The following CNTN3 variants were observed in gnomAD, a reference collection of about 807,000 sequenced individuals.
CNTN3 encodes contactin 3, also known as contactin-3.
A neutral mutation model predicts 119.1 loss-of-function variants in CNTN3; 60 were observed. That is an observed-to-expected ratio of 0.50 (90% CI 0.41 to 0.62). The LOEUF (loss-of-function observed/expected upper bound fraction) is 0.62. CNTN3 is among the 20% of genes least tolerant of loss of function. CNTN3 has a pLI of 0.00. For synonymous variants in CNTN3, 450 were observed against 438.7 expected (o/e 1.03, Z -0.32); for missense variants, 1,101 against 1,242.4 (o/e 0.89, Z 1.71).
rs377721936 is a variant in CNTN3 at position 74,455,135 on chromosome 3, C to T, written c.359-30195G>A. ...TTGGTTCCATTCTCCCCGTCACTTTCAGGTATACCAATCAGACGTAGATTT... is the reference window on the plus strand; with the variant it reads ...TTGGTTCCATTCTCCCCGTCACTTTTAGGTATACCAATCAGACGTAGATTT... On this transcript the variant is annotated intron_variant, in intron 4 of 22. Transcript: ENST00000263665. Among the ~76,000 whole-genome samples the T allele has an allele frequency of 1.7e-4, 26 of 152,278 alleles. No homozygotes were observed. In the East Asian group the frequency reaches 4.6e-3, roughly 27 times the overall value.
intron 4 of CNTN3, among the ~76,000 whole-genome samples, chr3:74,473,108 C>T (rs1484443830): frequency 6.6e-6 from 1 of 150,902 alleles, no homozygotes; most frequent in Non-Finnish European, 1.5e-5. Flanking sequence ...GAATAATGTG[C>T]TACCCTCTAC....
chr3:74,514,541 G>A (rs1310016938), intron 2 of CNTN3, among the ~76,000 whole-genome samples: 6 of 151,942 alleles, frequency 3.9e-5, no homozygotes, highest in South Asian at 2.1e-4. Context: ...GTTCATTAAC[G>A]TGACACTGCT....
At chr3:74,551,752 T>A (rs1399735076) in intron 1 of CNTN3, among the ~76,000 whole-genome samples, 1 of 139,360 alleles carries the variant, frequency 7.2e-6, no homozygotes, top group Non-Finnish European at 1.5e-5. Flanking sequence ...CTTCTTCTTC[T>A]TCTTTTTTTT....
At chr3:74,361,130 A>C (rs1296491590) in intron 11 of CNTN3, among the ~76,000 whole-genome samples, 2 of 152,040 alleles carry the variant, frequency 1.3e-5, no homozygotes, top group Non-Finnish European at 2.9e-5. Flanking sequence ...AATAATAAAT[A>C]ATAAATATAT....
chr3:74,595,385 T>C (rs1468675911), intron 1 of CNTN3, among the ~76,000 whole-genome samples: 11 of 152,008 alleles, frequency 7.2e-5, no homozygotes, highest in East Asian at 3.9e-4. Context: ...ATGTCCTGAA[T>C]GGTAATGCCT....
At chr3:74,408,496 T>C (rs895216024) in intron 5 of CNTN3, among the ~76,000 whole-genome samples, 2 of 152,138 alleles carry the variant, frequency 1.3e-5, no homozygotes, top group African/African-American at 4.8e-5. Flanking sequence ...GATTTGGAAG[T>C]TATCCCTGTC....
At chr3:74,288,154 C>CTTTTTTTTTTT (rs1299127961) in intron 19 of CNTN3, among the ~76,000 whole-genome samples, 27 of 88,238 alleles carry the variant, frequency 3.1e-4, no homozygotes, top group East Asian at 7.3e-4. Context: ...CTTTTCTTTT[C>CTTTTTTTTTTT]TTTTCTTTTT....
intron 4 of CNTN3, among the ~76,000 whole-genome samples, chr3:74,450,792 T>C (rs1360471157): frequency 6.6e-6 from 1 of 151,658 alleles, no homozygotes; most frequent in Admixed American, 6.6e-5. Context: ...GATAGTTTAC[T>C]GAGAATGACG....
Position 74,530,709 on chromosome 3 carries a change from T to A in CNTN3, c.-80-9517A>T, listed in dbSNP as rs116020430. 4.4e-3 allele frequency among the ~76,000 whole-genome samples: 663 copies of A among 151,952 alleles called. 6 individuals are homozygous for A. The highest frequency in any genetic ancestry group is 0.015 in the African/African-American group (632 of 41,478). On this transcript the variant is annotated intron_variant, in intron 1 of 22. Coordinates refer to ENST00000263665, the MANE Select transcript of CNTN3 (RefSeq NM_020872.3). ...GCCTGTGGAATGTGGTTATTATATA[T>A]CCTGGGATGGAGAACCCCCTTCTGG...
chr3:74,277,916 G>T (rs1701914104), intron 20 of CNTN3, among the ~76,000 whole-genome samples: 1 of 151,624 alleles, frequency 6.6e-6, no homozygotes, highest in African/African-American at 2.4e-5. Flanking sequence ...TAATTCAGCA[G>T]TTTCCAGATA....
intron 20 of CNTN3, among the ~76,000 whole-genome samples, chr3:74,277,398 A>G (rs1198221233): frequency 1.3e-5 from 2 of 152,148 alleles, no homozygotes; most frequent in Admixed American, 6.6e-5. Flanking sequence ...ATCCAACAAC[A>G]TAACAAAAAG....
intron 11 of CNTN3, among the ~76,000 whole-genome samples, chr3:74,348,588 C>T (rs1703746706): frequency 6.6e-6 from 1 of 152,118 alleles, no homozygotes; most frequent in African/African-American, 2.4e-5. Flanking sequence ...TGCGGAGAGA[C>T]CATAAGCAGA....
At chr3:74,528,094 C>T (rs1055731728) in intron 1 of CNTN3, among the ~76,000 whole-genome samples, 41 of 151,798 alleles carry the variant, frequency 2.7e-4, no homozygotes, top group African/African-American at 9.7e-4. Context: ...TCCATGATCT[C>T]TTCTTTTCCA....
chr3:74,601,165 T>C (rs1455347317), intron 1 of CNTN3, among the ~76,000 whole-genome samples: 2 of 151,890 alleles, frequency 1.3e-5, no homozygotes, highest in Non-Finnish European at 2.9e-5. Context: ...ATCTAATGAG[T>C]TTTGCTAAGG....
At chr3:74,324,873 C>G (rs1437826792) in intron 13 of CNTN3, among the ~76,000 whole-genome samples, 3 of 152,030 alleles carry the variant, frequency 2.0e-5, no homozygotes, top group African/African-American at 7.2e-5. Context: ...AAAGGTGGAG[C>G]CTGTACTGTG....
intron 1 of CNTN3, among the ~76,000 whole-genome samples, chr3:74,596,854 A>T (rs916323940): frequency 6.6e-6 from 1 of 152,200 alleles, no homozygotes; most frequent in African/African-American, 2.4e-5. Flanking sequence ...TCATCAGAAG[A>T]TATTACTATT....
chr3:74,537,933 G>A (rs946722615), intron 1 of CNTN3, among the ~76,000 whole-genome samples: 5 of 152,078 alleles, frequency 3.3e-5, no homozygotes, highest in Non-Finnish European at 5.9e-5. Flanking sequence ...AGGGCAGCCC[G>A]AGGGGAAGGG....
At chr3:74,311,742 C>T (rs1702689187) in intron 13 of CNTN3, among the ~76,000 whole-genome samples, 1 of 152,180 alleles carries the variant, frequency 6.6e-6, no homozygotes, top group Non-Finnish European at 1.5e-5. Flanking sequence ...TAGAAGATGT[C>T]ACTCTCTCCT....
chr3:74,428,176 C>T (rs1701726969), intron 4 of CNTN3, among the ~76,000 whole-genome samples: 1 of 151,918 alleles, frequency 6.6e-6, no homozygotes, highest in Non-Finnish European at 1.5e-5. Flanking sequence ...GCATATAATG[C>T]TTGAGAATGA....
Sources: gnomAD v4.1 joint callset for allele counts (sites outside exome capture counted in the v4.1 genomes callset) on GRCh38, gnomAD v4.1.1 for gene constraint, MANE v1.5 for transcripts, NCBI Gene and HGNC (gene_info 2026-07-23, HGNC 2026-07-21) for gene names.